ZNF385D: variants seen among roughly 807,000 people sequenced by gnomAD.
ZNF385D encodes zinc finger protein 659.
Under a neutral mutation model 35.8 loss-of-function variants are expected in ZNF385D, and 15 were observed. That is an observed-to-expected ratio of 0.42 (90% CI 0.28 to 0.64). The LOEUF (loss-of-function observed/expected upper bound fraction) is 0.64. ZNF385D is among the 30% of genes least tolerant of loss of function. ZNF385D has a pLI of 0.23. For missense variants in ZNF385D, 474 were observed against 494.6 expected (o/e 0.96, Z 0.39); for synonymous variants, 212 against 186.8 (o/e 1.13, Z -1.10).
chr3:22,171,245 C>A (rs1206312765), intron 2 of ZNF385D, among the ~76,000 whole-genome samples: 1 of 152,148 alleles, frequency 6.6e-6, no homozygotes, highest in East Asian at 1.9e-4. Context: ...TGTAACACAT[C>A]ATTTTTGCTA....
chr3:21,781,996 A>G (rs947409072), intron 3 of ZNF385D, among the ~76,000 whole-genome samples: 1 of 152,044 alleles, frequency 6.6e-6, no homozygotes, highest in Non-Finnish European at 1.5e-5. Flanking sequence ...CTTCACTTTC[A>G]TGGCTTTCCC....
intron 3 of ZNF385D, among the ~76,000 whole-genome samples, chr3:22,085,682 T>C (rs1700993258): frequency 6.6e-6 from 1 of 150,872 alleles, no homozygotes; most frequent in Admixed American, 6.6e-5. Context: ...TCTGAAAGTA[T>C]TCCAAACCCT....
At chr3:21,555,259 C>T (rs1283144018) in intron 3 of ZNF385D, among the ~76,000 whole-genome samples, 1 of 150,228 alleles carries the variant, frequency 6.7e-6, no homozygotes, top group African/African-American at 2.5e-5. Flanking sequence ...GGTACATGTG[C>T]AGAACGTGCA....
intron 3 of ZNF385D, among the ~76,000 whole-genome samples, chr3:21,511,930 C>T (rs1337189964): frequency 3.3e-5 from 5 of 150,920 alleles, no homozygotes; most frequent in African/African-American, 4.9e-5. Flanking sequence ...GGGTGGATCA[C>T]GAGGTCAAGA....
chr3:22,294,195 T>G (rs530176579), intron 2 of ZNF385D, among the ~76,000 whole-genome samples: 1 of 152,180 alleles, frequency 6.6e-6, no homozygotes, highest in South Asian at 2.1e-4. Context: ...CTATACTGGG[T>G]AGGTATAGGA....
At chr3:22,041,031 A>G (rs967332725) in intron 3 of ZNF385D, among the ~76,000 whole-genome samples, 1 of 152,120 alleles carries the variant, frequency 6.6e-6, no homozygotes, top group Admixed American at 6.5e-5. Flanking sequence ...TATATAACCT[A>G]AAGGACAACA....
At chr3:22,258,742 A>T (rs1192526886) in intron 2 of ZNF385D, among the ~76,000 whole-genome samples, 1 of 151,812 alleles carries the variant, frequency 6.6e-6, no homozygotes, top group Non-Finnish European at 1.5e-5. Context: ...TTAAATATTT[A>T]TTTAAAAATA....
At chr3:22,146,453 G>A (rs527328044) in intron 3 of ZNF385D, among the ~76,000 whole-genome samples, 1 of 152,070 alleles carries the variant, frequency 6.6e-6, no homozygotes, top group African/African-American at 2.4e-5. Flanking sequence ...CTTAAAGATT[G>A]TGACTAGAAT....
chr3:21,949,864 T>C (rs182227016), intron 3 of ZNF385D, among the ~76,000 whole-genome samples: 17 of 152,284 alleles, frequency 1.1e-4, no homozygotes, highest in African/African-American at 3.6e-4. Flanking sequence ...GCTTCATTAA[T>C]GTCCCTGCAA....
At chr3:22,080,535 C>G (rs984295162) in intron 3 of ZNF385D, among the ~76,000 whole-genome samples, 1 of 151,880 alleles carries the variant, frequency 6.6e-6, no homozygotes, top group South Asian at 2.1e-4. Context: ...CAGTTATTAA[C>G]TTTATAAACT....
intron 2 of ZNF385D, among the ~76,000 whole-genome samples, chr3:21,647,440 T>C (rs1041565608): frequency 2.0e-5 from 3 of 151,694 alleles, no homozygotes; most frequent in African/African-American, 7.3e-5. Context: ...ACTCCCTTTT[T>C]CTTTGCTTGC....
rs543938208 is a variant in ZNF385D at position 21,447,499 on chromosome 3, T to C, written c.440-10296A>G. Among the ~76,000 whole-genome samples, 3 of 152,346 alleles carry C rather than the reference T, an allele frequency of 2.0e-5. No homozygotes were observed. The South Asian group carries it at 6.2e-4, about 32-fold the overall frequency. On this transcript the variant is annotated intron_variant, in intron 4 of 7. Transcript: ENST00000281523. ...GTATTGGAAAGCTCAGTTTGAAATC[T>C]GGCAAGAAATCAAGGTATGGTTTTT... is the stretch of plus-strand genomic sequence containing the variant.
intron 2 of ZNF385D, among the ~76,000 whole-genome samples, chr3:22,218,694 C>A (rs574928033): frequency 6.6e-6 from 1 of 152,232 alleles, no homozygotes; most frequent in East Asian, 1.9e-4. Context: ...TTGATAGACT[C>A]TGGACTTCAG....
At chr3:22,301,864 C>T (rs927882311) in intron 2 of ZNF385D, among the ~76,000 whole-genome samples, 3 of 152,080 alleles carry the variant, frequency 2.0e-5, no homozygotes, top group East Asian at 3.9e-4. Flanking sequence ...CAGTATCATA[C>T]TGCATGTATT....
At chr3:21,810,998 G>GTGTATA (rs576386621) in intron 3 of ZNF385D, among the ~76,000 whole-genome samples, 10,391 of 144,318 alleles carry the variant, frequency 0.072, 452 homozygotes, top group Middle Eastern at 0.096. Context: ...GTGTGTGTGT[G>GTGTATA]TATATATATA....
intron 2 of ZNF385D, among the ~76,000 whole-genome samples, chr3:22,273,278 A>G (rs1431579684): frequency 1.3e-5 from 2 of 152,006 alleles, no homozygotes; most frequent in African/African-American, 4.8e-5. Flanking sequence ...ATACACATAC[A>G]CACACATCAG....
At chr3:22,334,842 G>GT (rs368623770) in intron 2 of ZNF385D, among the ~76,000 whole-genome samples, 1,592 of 152,164 alleles carry the variant, frequency 0.01, 24 homozygotes, top group African/African-American at 0.036. Context: ...GTAGATCAAT[G>GT]TATCAGAAAT....
At chr3:21,659,653 A>G (rs755152941) in intron 2 of ZNF385D, among the ~76,000 whole-genome samples, 6 of 152,092 alleles carry the variant, frequency 3.9e-5, no homozygotes, top group Non-Finnish European at 7.4e-5. Flanking sequence ...CCTCTTCCCA[A>G]CACCCCACCA....
upstream of ZNF385D, among the ~76,000 whole-genome samples, chr3:21,753,756 C>T (rs886766972): frequency 2.8e-5 from 3 of 106,856 alleles, no homozygotes; most frequent in Admixed American, 3.0e-4. Flanking sequence ...TTAAAAAATG[C>T]AACTTTGGTG....
Sources: gnomAD v4.1 joint callset for allele counts (sites outside exome capture counted in the v4.1 genomes callset) on GRCh38, gnomAD v4.1.1 for gene constraint, MANE v1.5 for transcripts, NCBI Gene and HGNC (gene_info 2026-07-23, HGNC 2026-07-21) for gene names.